Variants in ASXL1 observed in about 807,000 individuals in gnomAD.
The protein encoded by ASXL1 is polycomb group protein ASXL1.
Under a neutral mutation model 89.1 loss-of-function variants are expected in ASXL1, and 65 were observed. The ratio of observed to expected loss-of-function variants is 0.73; its 90% CI spans 0.60 to 0.90. The LOEUF is 0.90. Among genes scored for constraint, ASXL1 ranks in the 40% least tolerant of loss-of-function variants. The pLI is 0.00. For synonymous variants in ASXL1, 739 were observed against 746.9 expected (o/e 0.99, Z 0.17); for missense variants, 1,786 against 1,942.9 (o/e 0.92, Z 1.52).
intron 4 of ASXL1, among the ~76,000 whole-genome samples, chr20:32,425,821 C>T (rs1284426513): frequency 1.3e-5 from 2 of 152,150 alleles, no homozygotes; most frequent in Non-Finnish European, 2.9e-5. Flanking sequence ...TCTCCTGCCT[C>T]AGCCTCCCAA....
In ASXL1 at chr20:32,438,737, C is replaced by T. The variant is rs910502331; in HGVS notation, c.*1399C>T. ...CCAGATCTGGCTCCAGGGTCACCACCTGTCACAGCAATACCTGGGACCATG... is the reference window on the plus strand; with the variant it reads ...CCAGATCTGGCTCCAGGGTCACCACTTGTCACAGCAATACCTGGGACCATG... On this transcript the variant is annotated 3_prime_UTR_variant, in exon 13 of 13. Coordinates refer to ENST00000375687, the MANE Select transcript of ASXL1 (RefSeq NM_015338.6). The T allele has an allele frequency of 6.0e-5, 14 of 233,590 alleles. No individual in the cohort carries two copies. The highest frequency in any genetic ancestry group is 2.9e-4 in the African/African-American group (13 of 45,354). 14.5% of individuals were successfully genotyped at this position (233,590 alleles called of 1,614,324 possible). A position where few individuals can be genotyped will look rare whatever the true frequency, so the allele number is the denominator to read the frequency against.
chr20:32,379,691 A>C (rs2048453944), intron 4 of ASXL1, among the ~76,000 whole-genome samples: 1 of 150,976 alleles, frequency 6.6e-6, no homozygotes, highest in Non-Finnish European at 1.5e-5. Flanking sequence ...CTGGGATTAC[A>C]GGCGGGCACC....
chr20:32,359,760 ATT>A (rs756234325), intron 1 of ASXL1: 4 of 717,968 alleles, frequency 5.6e-6, no homozygotes, highest in African/African-American at 5.2e-5. Flanking sequence ...GGGGTTGTGA[ATT>A]TTGTGTTCAG....
At position 32,429,705 on chromosome 20, in the gene ASXL1, G is replaced by T; in HGVS notation, c.566-196G>T. ...GGTGTAGTGCTATACAAATAAAGATGGCAGTTTGGCACCTGTAAGGTGATA... is the reference window on the plus strand; with the variant it reads ...GGTGTAGTGCTATACAAATAAAGATTGCAGTTTGGCACCTGTAAGGTGATA... On this transcript the variant is annotated intron_variant, in intron 7 of 12. Transcript: ENST00000375687. The surrounding 1 kb of genome is among the most constrained non-coding windows in gnomAD (Gnocchi z 4.9). 1.3e-6 allele frequency: 1 copy of T among 759,984 alleles called. No homozygotes were observed. The allele number at this position is 759,984 out of a possible 1,614,324, so 47.1% of individuals were successfully genotyped here. A position where few individuals can be genotyped will look rare whatever the true frequency, so the allele number is the denominator to read the frequency against.
At chr20:32,371,555 A>G (rs2048301466) in intron 4 of ASXL1, among the ~76,000 whole-genome samples, 2 of 152,076 alleles carry the variant, frequency 1.3e-5, no homozygotes, top group Admixed American at 1.3e-4. Context: ...CCAAACTGCC[A>G]GGATTACAGA....
rs568567770 is a variant in ASXL1, at chr20:32,413,437, CAA to C, written c.253-14689_253-14688del. On this transcript the variant is annotated intron_variant, in intron 4 of 12. Coordinates refer to ENST00000375687, the MANE Select transcript of ASXL1 (RefSeq NM_015338.6). ...ATAATTCAATATGTAGATAAAATAACAAAGATGGGAAATAAAAAACAAAATGG... is the reference window on the plus strand; with the variant it reads ...ATAATTCAATATGTAGATAAAATAACAGATGGGAAATAAAAAACAAAATGG... 2.0e-3 allele frequency among the ~76,000 whole-genome samples: 305 copies of C among 152,074 alleles called. 1 individual carries two copies. Among genetic ancestry groups the C allele is most frequent in the African/African-American group, 7.2e-3 (298 of 41,466 alleles).
Position 32,358,537 on chromosome 20 carries a change from C to A in ASXL1, c.-239C>A. On this transcript the variant is annotated 5_prime_UTR_variant, in exon 1 of 13. Coordinates refer to ENST00000375687, the MANE Select transcript of ASXL1 (RefSeq NM_015338.6). ...ATCGCGGGGCAGCCGCCGCTGCCGC[C>A]GTGGGCGACTGACGCAGCGCGGGCG... 4.6e-6 allele frequency: 1 copy of A among 218,946 alleles called. No homozygotes were observed. Among genetic ancestry groups the A allele is most frequent in the South Asian group, 1.6e-4 (1 of 6,168 alleles). The allele number at this position is 218,946 out of a possible 1,614,324, so 13.6% of individuals were successfully genotyped here.
chr20:32,426,547 TTTCTTTC>T lies in ASXL1; in HGVS notation c.253-1578_253-1572del, dbSNP rs1219108700. 9.2e-5 allele frequency among the ~76,000 whole-genome samples: 9 copies of T among 97,966 alleles called. 1 individual carries two copies. Among genetic ancestry groups the T allele is most frequent in the Admixed American group, 2.2e-4 (2 of 9,252 alleles). 64.3% of individuals were successfully genotyped at this position (97,966 alleles called of 152,430 possible). On this transcript the variant is annotated intron_variant, in intron 4 of 12. Coordinates refer to ENST00000375687, the MANE Select transcript of ASXL1 (RefSeq NM_015338.6). Reference sequence around the variant, plus strand: ...AGATGTAGAAAACTGTTTTCTTTTTTTTCTTTCTTTTTTTTTTTTTTTTTTTTTTTTG... The same window carrying T: ...AGATGTAGAAAACTGTTTTCTTTTTTTTTTTTTTTTTTTTTTTTTTTTTTG...
At position 32,428,296 on chromosome 20, in the gene ASXL1, G is replaced by A. The variant is rs776486002; in HGVS notation, c.374-29G>A. ...GTGAGGGAGCCACAGCAGGCACTAG[G>A]GACTAACCTTTATTTTCCTCTCTTC... On this transcript the variant is annotated intron_variant, in intron 5 of 12. Transcript: ENST00000375687. The A allele has an allele frequency of 1.4e-5, 23 of 1,613,978 alleles. No homozygotes were observed. In the South Asian group the frequency reaches 2.1e-4, roughly 15 times the overall value.
Position 32,437,165 on chromosome 20 carries a change from A to G in ASXL1, c.4453A>G (p.Ser1485Gly), listed in dbSNP as rs1237260890. The change falls in exon 13 of 13, where the codon AGT becomes GGT. Residue 1485 changes from serine to glycine, a missense_variant. By Grantham distance (56) the Ser-to-Gly change is moderately conservative. Coordinates refer to ENST00000375687, the MANE Select transcript of ASXL1 (RefSeq NM_015338.6). ...CAAAGCAAACTTTGGTGCGAGCCAC[A>G]GTGCATCACTTTCCTTGCAAATGTT... ...SHKANFGASH[S>G]ASLSLQMFTD... 2 of 1,613,968 alleles carry G rather than the reference A, an allele frequency of 1.2e-6. No homozygotes were observed. The highest frequency in any genetic ancestry group is 1.1e-5 in the South Asian group (1 of 91,086).
At chr20:32,410,337 C>G (rs2049022128) in intron 4 of ASXL1, among the ~76,000 whole-genome samples, 1 of 152,088 alleles carries the variant, frequency 6.6e-6, no homozygotes, top group Non-Finnish European at 1.5e-5. Flanking sequence ...CGGTCTTACA[C>G]CGTTGCCCAG....
At chr20:32,418,212 AAAT>A (rs2049171551) in intron 4 of ASXL1, among the ~76,000 whole-genome samples, 1 of 151,804 alleles carries the variant, frequency 6.6e-6, no homozygotes, top group Non-Finnish European at 1.5e-5. Context: ...TACAATAAAT[AAAT>A]AAATAAATTA....
intron 4 of ASXL1, among the ~76,000 whole-genome samples, chr20:32,413,266 A>C (rs916415090): frequency 6.6e-6 from 1 of 152,196 alleles, no homozygotes; most frequent in Admixed American, 6.5e-5. Context: ...AATACACCGG[A>C]AACAATGAGG....
At chr20:32,420,669 G>T (rs1239437648) in intron 4 of ASXL1, among the ~76,000 whole-genome samples, 1 of 152,002 alleles carries the variant, frequency 6.6e-6, no homozygotes, top group Non-Finnish European at 1.5e-5. Flanking sequence ...CAGCTTTCCT[G>T]TAAAATTGAA....
chr20:32,430,594 C>A, intron 8 of ASXL1: 1 of 188,946 alleles, frequency 5.3e-6, no homozygotes, highest in Non-Finnish European at 1.1e-5. Context: ...TTAGTATGCT[C>A]TTTGCTATTT....
intron 4 of ASXL1, among the ~76,000 whole-genome samples, chr20:32,378,195 T>TGTGTG (rs1569255451): frequency 1.1e-4 from 16 of 147,350 alleles, no homozygotes; most frequent in Non-Finnish European, 1.7e-4. Context: ...TGTGTGTGTG[T>TGTGTG]TTTAATAGAG....
At chr20:32,380,182 TGAGGCAGGAGAATCCCTTGAACCCGG>T (rs1470308922) in intron 4 of ASXL1, among the ~76,000 whole-genome samples, 2 of 152,056 alleles carry the variant, frequency 1.3e-5, no homozygotes, top group African/African-American at 4.8e-5. Context: ...CTTGGGAGGC[TGAGGCAGGAGAATCCCTTGAACCCGG>T]GAGGCGGAGA....
chr20:32,359,442 C>G (rs924160397), intron 1 of ASXL1: 3 of 699,394 alleles, frequency 4.3e-6, no homozygotes, highest in Non-Finnish European at 7.8e-6. Flanking sequence ...GAACGCTACT[C>G]CTAGGGCCCT....
rs991960986 is a variant in ASXL1 at position 32,437,903 on chromosome 20, G to A, written c.*565G>A. 1 of 239,830 alleles carries A rather than the reference G, an allele frequency of 4.2e-6. No homozygotes were observed. The highest frequency in any genetic ancestry group is 8.2e-6 in the Non-Finnish European group (1 of 121,970). The allele number at this position is 239,830 out of a possible 1,614,324, so 14.9% of individuals were successfully genotyped here. On this transcript the variant is annotated 3_prime_UTR_variant, in exon 13 of 13. Transcript: ENST00000375687. Reference sequence around the variant, plus strand: ...CAGTTGACGGAGCAAGTTTGACCTTGGTTCTGTTGCTGAAGCAAATTTGGA... The same window carrying A: ...CAGTTGACGGAGCAAGTTTGACCTTAGTTCTGTTGCTGAAGCAAATTTGGA...
Sources: gnomAD v4.1 joint callset for allele counts (sites outside exome capture counted in the v4.1 genomes callset) on GRCh38, gnomAD v4.1.1 for gene constraint, Gnocchi (gnomAD v3.1) non-coding constraint, MANE v1.5 for transcripts, NCBI Gene and HGNC (gene_info 2026-07-23, HGNC 2026-07-21) for gene names.